Variants in SORCS2 observed in about 807,000 individuals in gnomAD.
The protein encoded by SORCS2 is sortilin related VPS10 domain containing receptor 2.
SORCS2 carries 100 observed loss-of-function variants against 141.6 expected under a neutral mutation model. The ratio of observed to expected loss-of-function variants is 0.71; its 90% CI spans 0.60 to 0.83. SORCS2 has a LOEUF of 0.83. Ranked by LOEUF, SORCS2 falls within the 40% of genes least tolerant of loss-of-function variation. The pLI is 0.00. For missense variants in SORCS2, 1,646 were observed against 1,560.2 expected (o/e 1.05, Z -0.93); for synonymous variants, 789 against 676.9 (o/e 1.17, Z -2.57).
At chr4:7,454,460 C>T (rs1412021303) in intron 2 of SORCS2, among the ~76,000 whole-genome samples, 3 of 133,240 alleles carry the variant, frequency 2.3e-5, no homozygotes, top group Non-Finnish European at 4.7e-5. Context: ...TAGTGTAATG[C>T]GCCACGTTAG....
intron 26 of SORCS2, among the ~76,000 whole-genome samples, 170 bp from the exon 27 acceptor site, chr4:7,740,030 C>T (rs1712529122): frequency 6.6e-6 from 1 of 152,114 alleles, no homozygotes; most frequent in African/African-American, 2.4e-5. Context: ...CCTCAGGCAC[C>T]CACCTAGGAA....
In SORCS2 at chr4:7,547,911, A is replaced by G. The variant is rs149382741; in HGVS notation, c.648+16282A>G. Among the ~76,000 whole-genome samples, 557 of 152,364 alleles carry G rather than the reference A, an allele frequency of 3.7e-3. 6 individuals are homozygous for G. Among genetic ancestry groups the G allele is most frequent in the African/African-American group, 0.013 (532 of 41,586 alleles). The stretch of plus-strand genomic sequence containing the variant: ...CAAACAAACTGATTAAAGAGCAATC[A>G]TTAATGAAACCCAATCTCAACATGC... On this transcript the variant is annotated intron_variant, in intron 3 of 26. Coordinates refer to ENST00000507866, the MANE Select transcript of SORCS2 (RefSeq NM_020777.3).
chr4:7,380,549 C>T (rs1360869745), intron 1 of SORCS2, among the ~76,000 whole-genome samples: 1 of 152,236 alleles, frequency 6.6e-6, no homozygotes, highest in Non-Finnish European at 1.5e-5. Context: ...AGTAGAGCAT[C>T]TGATGGCTTT....
chr4:7,440,221 G>A (rs377629279), intron 2 of SORCS2, among the ~76,000 whole-genome samples: 105 of 152,322 alleles, frequency 6.9e-4, no homozygotes, highest in African/African-American at 2.1e-3. Context: ...AGGAGGCTGC[G>A]TTGCAGGTAG....
At chr4:7,608,030 C>T (rs572261543) in intron 3 of SORCS2, among the ~76,000 whole-genome samples, 5 of 152,268 alleles carry the variant, frequency 3.3e-5, no homozygotes, top group African/African-American at 9.6e-5. Context: ...ATGCCATGCC[C>T]TGCCAGGGCA....
At chr4:7,305,248 G>A (rs528801447) in intron 1 of SORCS2, among the ~76,000 whole-genome samples, 23 of 152,122 alleles carry the variant, frequency 1.5e-4, no homozygotes, top group Admixed American at 9.8e-4. Context: ...AGCCAGGATG[G>A]TCTCGATCTG....
Position 7,661,510 on chromosome 4 carries a change from G to T in SORCS2, c.898G>T (p.Gly300Trp). ...TKDHVFWSVS[G>W]VDADPDLVHV... ...GCTCTTCTTTTCCAGGTCTGTGTCT[G>T]GGGTGGACGCTGACCCTGACTTGGT... The change falls in exon 6 of 27, where the codon GGG (glycine) becomes TGG (tryptophan). Residue 300 changes from glycine (G) to tryptophan (W), a missense_variant. Transcript: ENST00000507866. The T allele has an allele frequency of 2.6e-6, 4 of 1,551,680 alleles. No individual in the cohort carries two copies. The highest frequency in any genetic ancestry group is 2.0e-5 in the Admixed American group (1 of 50,998).
At position 7,445,257 on chromosome 4, in the gene SORCS2, C is replaced by T. The variant is rs372324030; in HGVS notation, c.548+48902C>T. ...TTGGGACTTGGCAGTAAGGGCCAGA[C>T]CTGAGGAGCAAGTACAGAAGTCACA... On this transcript the variant is annotated intron_variant, in intron 2 of 26. Transcript: ENST00000507866. Among the ~76,000 whole-genome samples the T allele has an allele frequency of 9.9e-4, 151 of 152,232 alleles. 2 individuals carry two copies. Among genetic ancestry groups the T allele is most frequent in the African/African-American group, 3.6e-3 (149 of 41,522 alleles).
At chr4:7,724,428 G>T (rs1726903381) in intron 19 of SORCS2, among the ~76,000 whole-genome samples, 1 of 146,936 alleles carries the variant, frequency 6.8e-6, no homozygotes, top group African/African-American at 2.6e-5. Flanking sequence ...GGATGGTGGT[G>T]GTGATAATGG....
At chr4:7,678,743 C>T (rs935436018) in intron 9 of SORCS2, among the ~76,000 whole-genome samples, 1 of 150,574 alleles carries the variant, frequency 6.6e-6, no homozygotes, top group Non-Finnish European at 1.5e-5. Context: ...AGGGATGTCC[C>T]TTCTCTGAAA....
chr4:7,543,626 ATCCACCCATCCGTCCATCCG>A, intron 3 of SORCS2, among the ~76,000 whole-genome samples: 1 of 145,154 alleles, frequency 6.9e-6, no homozygotes, highest in East Asian at 2.1e-4. Context: ...CCACCCATCC[ATCCACCCATCCGTCCATCCG>A]TCCATCCATC....
At position 7,385,251 on chromosome 4, in the gene SORCS2, T is replaced by A. The variant is rs548654580; in HGVS notation, c.481-11037T>A. ...TGATACCCACCCCTCCCCTCAGGGG[T>A]CTTTAGTAGAAAGAAACGATATTCC... On this transcript the variant is annotated intron_variant, in intron 1 of 26. Transcript: ENST00000507866. Among the ~76,000 whole-genome samples, 4 of 152,054 alleles carry A rather than the reference T, an allele frequency of 2.6e-5. No homozygotes were observed. In the South Asian group the frequency reaches 8.3e-4, roughly 32 times the overall value.
intron 1 of SORCS2, among the ~76,000 whole-genome samples, chr4:7,323,320 A>G (rs933809575): frequency 3.3e-5 from 5 of 152,234 alleles, no homozygotes; most frequent in African/African-American, 7.2e-5. Context: ...CGACCCAGAG[A>G]TAAAGCAAGT....
At chr4:7,391,730 C>T (rs1034035178) in intron 1 of SORCS2, among the ~76,000 whole-genome samples, 3 of 152,170 alleles carry the variant, frequency 2.0e-5, no homozygotes, top group Non-Finnish European at 4.4e-5. Context: ...CCTTTCTTTT[C>T]TCTGAACCTC....
At chr4:7,632,868 G>A (rs951325288) in intron 3 of SORCS2, among the ~76,000 whole-genome samples, 17 of 152,074 alleles carry the variant, frequency 1.1e-4, no homozygotes, top group Admixed American at 2.0e-4. Flanking sequence ...AGATGCTGGA[G>A]GGGGCAGAGG....
intron 1 of SORCS2, among the ~76,000 whole-genome samples, chr4:7,377,946 T>A (rs911225730): frequency 2.6e-5 from 4 of 152,216 alleles, no homozygotes; most frequent in African/African-American, 9.6e-5. Context: ...AAGATCTTGT[T>A]TTTTGTGTCC....
chr4:7,200,652 A>G (rs1390326734), intron 1 of SORCS2, among the ~76,000 whole-genome samples: 2 of 152,224 alleles, frequency 1.3e-5, no homozygotes, highest in Non-Finnish European at 2.9e-5. Flanking sequence ...TCAAGTAGTA[A>G]TGAAGGAGGC....
chr4:7,207,246 A>G (rs1359184122), intron 1 of SORCS2, among the ~76,000 whole-genome samples: 2 of 152,130 alleles, frequency 1.3e-5, no homozygotes, highest in Admixed American at 6.5e-5. Context: ...CTTTTCTTCC[A>G]ATCCACATCC....
rs189648959 is a variant in SORCS2, at chr4:7,381,394, A to G, written c.481-14894A>G. ...CCCAGAAGAAGAGCACACTGTGTCC[A>G]AAGCCACGCAGTGTTAGAGGCCAGC... On this transcript the variant is annotated intron_variant, in intron 1 of 26. Transcript: ENST00000507866. Among the ~76,000 whole-genome samples, 158 of 152,312 alleles carry G rather than the reference A, an allele frequency of 1.0e-3. 1 individual carries two copies. The highest frequency in any genetic ancestry group is 3.6e-3 in the African/African-American group (150 of 41,582).
Sources: gnomAD v4.1 joint callset for allele counts (sites outside exome capture counted in the v4.1 genomes callset) on GRCh38, gnomAD v4.1.1 for gene constraint, MANE v1.5 for transcripts, NCBI Gene and HGNC (gene_info 2026-07-23, HGNC 2026-07-21) for gene names.